HOOK1: variants seen among roughly 807,000 people sequenced by gnomAD.
HOOK1 encodes the protein protein Hook homolog 1.
Under a neutral mutation model 112.8 loss-of-function variants are expected in HOOK1, and 60 were observed. That is an observed-to-expected ratio of 0.53 (90% CI 0.43 to 0.66). The LOEUF (loss-of-function observed/expected upper bound fraction) is 0.66. Ranked by LOEUF, HOOK1 falls within the 30% of genes least tolerant of loss-of-function variation. HOOK1 has a pLI of 0.00. For synonymous variants in HOOK1, 294 were observed against 283.8 expected (o/e 1.04, Z -0.36); for missense variants, 770 against 856.0 (o/e 0.90, Z 1.25).
intron 12 of HOOK1, among the ~76,000 whole-genome samples, chr1:59,856,889 TG>T (rs2098411050): frequency 6.6e-6 from 1 of 152,136 alleles, no homozygotes; most frequent in Non-Finnish European, 1.5e-5. Flanking sequence ...GGCCCTCTCA[TG>T]TCTTTTCTGG....
intron 19 of HOOK1, among the ~76,000 whole-genome samples, chr1:59,866,336 A>C (rs1220592221): frequency 2.0e-5 from 3 of 152,210 alleles, no homozygotes; most frequent in Admixed American, 2.0e-4. Context: ...GAAACAGCAA[A>C]ATGGATATTT....
At chr1:59,856,265 T>C (rs1245963042) in intron 12 of HOOK1, among the ~76,000 whole-genome samples, 1 of 151,354 alleles carries the variant, frequency 6.6e-6, no homozygotes, top group Non-Finnish European at 1.5e-5. Flanking sequence ...ATTTTTCATA[T>C]CATTTATTGT....
intron 15 of HOOK1, among the ~76,000 whole-genome samples, chr1:59,861,774 T>C (rs1395124541): frequency 6.6e-6 from 1 of 152,146 alleles, no homozygotes; most frequent in African/African-American, 2.4e-5. Context: ...ACTATAAGGG[T>C]ATTTGGATTT....
At chr1:59,815,239 G>A in intron 1 of HOOK1, 59 bp downstream of exon 1, 4 of 1,492,080 alleles carry the variant, frequency 2.7e-6, no homozygotes, top group Non-Finnish European at 2.7e-6. Flanking sequence ...GGAGCCTGGG[G>A]CGCCCGGTTC....
intron 1 of HOOK1, among the ~76,000 whole-genome samples, chr1:59,821,336 T>C (rs1434873757): frequency 6.6e-6 from 1 of 152,216 alleles, no homozygotes; most frequent in Non-Finnish European, 1.5e-5. Context: ...ACGTGATAGA[T>C]AGGGCTTGAT....
intron 20 of HOOK1, 63 bp from the exon 21 acceptor site, chr1:59,870,979 T>C (rs1213718791): frequency 7.5e-6 from 8 of 1,060,722 alleles, no homozygotes; most frequent in Non-Finnish European, 1.2e-5. Context: ...GAAGAAATTA[T>C]TCTATCTTTA....
chr1:59,825,699 C>G (rs2098389328), intron 2 of HOOK1, among the ~76,000 whole-genome samples: 2 of 152,178 alleles, frequency 1.3e-5, no homozygotes, highest in South Asian at 2.1e-4. Flanking sequence ...TCAGTTTGGT[C>G]TGACTCCAAG....
At chr1:59,821,526 T>C (rs922341351) in intron 1 of HOOK1, among the ~76,000 whole-genome samples, 2 of 152,238 alleles carry the variant, frequency 1.3e-5, no homozygotes, top group African/African-American at 4.8e-5. Context: ...CTTTTTCTGA[T>C]GTTCTGCTAA....
chr1:59,847,740 A>G (rs2098404803), intron 10 of HOOK1, among the ~76,000 whole-genome samples: 1 of 151,554 alleles, frequency 6.6e-6, no homozygotes, highest in Admixed American at 6.6e-5. Flanking sequence ...GTAGTTCTTA[A>G]TACTCATTTG....
chr1:59,871,744 T>C (rs1644058079), intron 21 of HOOK1, among the ~76,000 whole-genome samples: 1 of 152,200 alleles, frequency 6.6e-6, no homozygotes, highest in South Asian at 2.1e-4. Flanking sequence ...ATTATCTACT[T>C]TTATCTCTTA....
chr1:59,848,179 T>G (rs1023793461), intron 10 of HOOK1, 136 bp from the exon 11 acceptor site: 1 of 614,938 alleles, frequency 1.6e-6, no homozygotes, highest in African/African-American at 1.9e-5. Flanking sequence ...GTTTACAATT[T>G]CCTCTTCTCA....
At chr1:59,823,129 G>A (rs1472869413) in intron 2 of HOOK1, among the ~76,000 whole-genome samples, 2 of 152,158 alleles carry the variant, frequency 1.3e-5, no homozygotes, top group Non-Finnish European at 2.9e-5. Flanking sequence ...GACCATCCTG[G>A]CTAACATGGT....
chr1:59,835,420 A>G lies in HOOK1; in HGVS notation c.474+8A>G. 2 of 1,500,882 alleles carry G rather than the reference A, an allele frequency of 1.3e-6. No individual in the cohort carries two copies. Among genetic ancestry groups the G allele is most frequent in the Non-Finnish European group, 1.9e-6 (2 of 1,079,674 alleles). 93.0% of individuals were successfully genotyped at this position (1,500,882 alleles called of 1,614,324 possible). The stretch of plus-strand genomic sequence containing the variant: ...ATGACTGCTATTCAAGAGGTAAGTT[A>G]TATCATGTTCCTATGAGTATAAAAA... On this transcript the variant is annotated splice_region_variant and intron_variant, in intron 6 of 21. Coordinates refer to ENST00000371208, the MANE Select transcript of HOOK1 (RefSeq NM_015888.6).
At chr1:59,835,272 C>T in intron 5 of HOOK1, 73 bp from the exon 6 acceptor site, 1 of 806,524 alleles carries the variant, frequency 1.2e-6, no homozygotes, top group Non-Finnish European at 2.2e-6. Flanking sequence ...TTTTTATAGT[C>T]TATTAATTTG....
chr1:59,873,857 A>G lies in HOOK1; in HGVS notation c.*892A>G, dbSNP rs893133950. On this transcript the variant is annotated 3_prime_UTR_variant, in exon 22 of 22. Coordinates refer to ENST00000371208, the MANE Select transcript of HOOK1 (RefSeq NM_015888.6). ...ATAAAGTTGTATTTAGCTTCTGCTG[A>G]AAAATTGTATCATATAATAATTTTG... 2 of 150,324 alleles carry G rather than the reference A, an allele frequency of 1.3e-5. No individual in the cohort carries two copies. The highest frequency in any genetic ancestry group is 4.9e-5 in the African/African-American group (2 of 40,956). 9.3% of individuals were successfully genotyped at this position (150,324 alleles called of 1,614,324 possible).
intron 7 of HOOK1, among the ~76,000 whole-genome samples, 166 bp downstream of exon 7, chr1:59,837,101 C>T (rs568490955): frequency 6.6e-6 from 1 of 152,222 alleles, no homozygotes; most frequent in East Asian, 1.9e-4. Context: ...GTGTTGGTCT[C>T]CAGAGATTTT....
intron 2 of HOOK1, among the ~76,000 whole-genome samples, chr1:59,823,182 T>C (rs1332953916): frequency 1.3e-5 from 2 of 152,076 alleles, no homozygotes; most frequent in Admixed American, 6.6e-5. Flanking sequence ...TAGCCAGGCA[T>C]GGTGGCGGGC....
At chr1:59,852,840 G>A (rs373500394) in intron 12 of HOOK1, among the ~76,000 whole-genome samples, 8 of 151,228 alleles carry the variant, frequency 5.3e-5, no homozygotes, top group South Asian at 2.1e-4. Context: ...TTGCATTTTC[G>A]TTTAATTCTT....
At chr1:59,843,666 A>AT in intron 9 of HOOK1, 68 bp downstream of exon 9, 3 of 1,215,048 alleles carry the variant, frequency 2.5e-6, no homozygotes, top group Non-Finnish European at 3.5e-6. Flanking sequence ...AAGTCACAGT[A>AT]TTAACAGCTA....
Sources: allele counts gnomAD v4.1 joint callset (sites outside exome capture counted in the v4.1 genomes callset), GRCh38; gene constraint gnomAD v4.1.1; transcripts MANE v1.5; gene names NCBI Gene and HGNC (gene_info 2026-07-23, HGNC 2026-07-21).